WDR70: variants seen among roughly 807,000 people sequenced by gnomAD.
WDR70 encodes WD repeat-containing protein 70.
WDR70 carries 53 observed loss-of-function variants against 88.6 expected under a neutral mutation model. The ratio of observed to expected loss-of-function variants is 0.60; its 90% CI spans 0.48 to 0.75. The LOEUF is 0.75. Ranked by LOEUF, WDR70 falls within the 30% of genes least tolerant of loss-of-function variation. The probability of loss-of-function intolerance (pLI) is 0.00; values close to 1 mark genes in which losing one functional copy is unlikely to be tolerated. For synonymous variants in WDR70, 280 were observed against 270.0 expected (o/e 1.04, Z -0.36); for missense variants, 610 against 823.2 (o/e 0.74, Z 3.17).
At chr5:37,452,738 A>T (rs1208226891) in intron 7 of WDR70, among the ~76,000 whole-genome samples, 1 of 152,216 alleles carries the variant, frequency 6.6e-6, no homozygotes, top group Non-Finnish European at 1.5e-5. Context: ...AAGATATGGA[A>T]ACATAGTATG....
At chr5:37,642,615 CAGTATATG>C (rs1745133252) in intron 10 of WDR70, among the ~76,000 whole-genome samples, 2 of 152,274 alleles carry the variant, frequency 1.3e-5, no homozygotes, top group Admixed American at 1.3e-4. Context: ...TTCCCACCAA[CAGTATATG>C]AGTGTTCTCT....
chr5:37,430,362 T>A (rs1206695629), intron 5 of WDR70, among the ~76,000 whole-genome samples: 1 of 152,162 alleles, frequency 6.6e-6, no homozygotes, highest in Non-Finnish European at 1.5e-5. Flanking sequence ...ATATCTTGGT[T>A]TGTGGTTTTA....
chr5:37,424,770 A>T (rs1338788429), intron 5 of WDR70, among the ~76,000 whole-genome samples: 1 of 152,144 alleles, frequency 6.6e-6, no homozygotes, highest in Non-Finnish European at 1.5e-5. Flanking sequence ...GTGAATTAAC[A>T]TTTTATTTGT....
At chr5:37,551,245 C>T (rs1309324607) in intron 9 of WDR70, among the ~76,000 whole-genome samples, 1 of 151,632 alleles carries the variant, frequency 6.6e-6, no homozygotes. Flanking sequence ...GCAGAGGTTG[C>T]GGTGAGCTGA....
At chr5:37,495,149 G>A (rs902655752) in intron 8 of WDR70, among the ~76,000 whole-genome samples, 4 of 152,218 alleles carry the variant, frequency 2.6e-5, no homozygotes, top group Admixed American at 2.6e-4. Context: ...CCAGCAAAAT[G>A]TATTCACACA....
chr5:37,382,990 G>T (rs1748479890), intron 3 of WDR70, among the ~76,000 whole-genome samples: 1 of 151,164 alleles, frequency 6.6e-6, no homozygotes, highest in Non-Finnish European at 1.5e-5. Context: ...TCCAGCCTGG[G>T]CGACAAAAGC....
chr5:37,672,077 T>A (rs1040057493), intron 10 of WDR70, among the ~76,000 whole-genome samples: 2 of 152,226 alleles, frequency 1.3e-5, no homozygotes, highest in Non-Finnish European at 2.9e-5. Context: ...TTAAGGGATC[T>A]AGGGCTGTGC....
intron 8 of WDR70, among the ~76,000 whole-genome samples, chr5:37,511,521 A>G (rs1004524935): frequency 4.6e-5 from 7 of 152,082 alleles, no homozygotes; most frequent in African/African-American, 7.2e-5. Flanking sequence ...TAATTTTTGC[A>G]AGAAGCCCTG....
intron 10 of WDR70, among the ~76,000 whole-genome samples, chr5:37,658,569 G>A (rs1745619174): frequency 6.6e-6 from 1 of 151,918 alleles, no homozygotes; most frequent in Non-Finnish European, 1.5e-5. Flanking sequence ...CCTCTGTAAG[G>A]ACATTCCTGT....
intron 10 of WDR70, among the ~76,000 whole-genome samples, chr5:37,665,411 C>T (rs1339381542): frequency 6.6e-6 from 1 of 152,160 alleles, no homozygotes; most frequent in Non-Finnish European, 1.5e-5. Flanking sequence ...ACAGGATAAA[C>T]ATAACAGCAC....
At chr5:37,707,988 T>TAG (rs1747407081) in intron 13 of WDR70, among the ~76,000 whole-genome samples, 1 of 97,756 alleles carries the variant, frequency 1.0e-5, no homozygotes, top group African/African-American at 3.5e-5. Context: ...TATATATATA[T>TAG]ATATAGTTGA....
intron 10 of WDR70, among the ~76,000 whole-genome samples, chr5:37,686,740 C>T (rs547494514): frequency 6.6e-6 from 1 of 151,816 alleles, no homozygotes; most frequent in Admixed American, 6.6e-5. Flanking sequence ...AAGAGGTATA[C>T]AGACAATTTT....
At chr5:37,399,693 C>T (rs1159035780) in intron 5 of WDR70, among the ~76,000 whole-genome samples, 1 of 151,882 alleles carries the variant, frequency 6.6e-6, no homozygotes, top group Non-Finnish European at 1.5e-5. Context: ...CATTTTGTTT[C>T]TTTGTCTTTA....
chr5:37,434,676 A>T (rs930889459), intron 5 of WDR70, among the ~76,000 whole-genome samples: 3 of 152,202 alleles, frequency 2.0e-5, no homozygotes, highest in African/African-American at 7.2e-5. Flanking sequence ...TATTTTAGAT[A>T]TATTTACCAT....
intron 17 of WDR70, among the ~76,000 whole-genome samples, chr5:37,736,239 C>T (rs560319959): frequency 3.9e-5 from 6 of 152,300 alleles, no homozygotes; most frequent in South Asian, 2.1e-4. Flanking sequence ...CTGTCAACCA[C>T]GTCACTTTTC....
chr5:37,499,923 T>G (rs564620927), intron 8 of WDR70, among the ~76,000 whole-genome samples: 265 of 152,274 alleles, frequency 1.7e-3, no homozygotes, highest in Non-Finnish European at 2.7e-3. Context: ...ATTTTTTTCT[T>G]TATAGATTGT....
At chr5:37,401,234 T>G (rs982788309) in intron 5 of WDR70, among the ~76,000 whole-genome samples, 9 of 132,340 alleles carry the variant, frequency 6.8e-5, no homozygotes, top group Non-Finnish European at 9.5e-5. Flanking sequence ...CGTCTCAAAC[T>G]CCTGGGCTCA....
chr5:37,586,736 T>A, intron 9 of WDR70, among the ~76,000 whole-genome samples: 1 of 152,164 alleles, frequency 6.6e-6, no homozygotes, highest in Non-Finnish European at 1.5e-5. Flanking sequence ...ATGGCCTGCC[T>A]AGCTCCTTTT....
At chr5:37,738,389 A>G (rs1348583071) in intron 17 of WDR70, among the ~76,000 whole-genome samples, 3 of 152,190 alleles carry the variant, frequency 2.0e-5, no homozygotes, top group African/African-American at 7.2e-5. Flanking sequence ...TGCTTTTTGA[A>G]GGAATCATAT....
Sources: gnomAD v4.1 joint callset for allele counts (sites outside exome capture counted in the v4.1 genomes callset) on GRCh38, gnomAD v4.1.1 for gene constraint, MANE v1.5 for transcripts, NCBI Gene and HGNC (gene_info 2026-07-23, HGNC 2026-07-21) for gene names.